Variants in MORC1 observed in about 807,000 individuals in gnomAD.
MORC1 encodes MORC family CW-type zinc finger 1, also known as MORC family CW-type zinc finger protein 1.
A neutral mutation model predicts 134.9 loss-of-function variants in MORC1; 59 were observed. The ratio of observed to expected loss-of-function variants is 0.44; its 90% CI spans 0.35 to 0.54. The LOEUF is 0.54. MORC1 is among the 20% of genes least tolerant of loss of function. The pLI, the probability that MORC1 is intolerant of heterozygous loss-of-function variation, is 0.00. For missense variants in MORC1, 947 were observed against 1,134.5 expected (o/e 0.83, Z 2.37); for synonymous variants, 395 against 391.7 (o/e 1.01, Z -0.10).
chr3:109,077,464 T>C (rs2107725843), intron 8 of MORC1, among the ~76,000 whole-genome samples: 1 of 152,254 alleles, frequency 6.6e-6, no homozygotes, highest in Admixed American at 6.5e-5. Flanking sequence ...CATATCTTAT[T>C]TGTGAAATGA....
At chr3:108,987,857 A>C (rs936996587) in intron 21 of MORC1, among the ~76,000 whole-genome samples, 1 of 151,926 alleles carries the variant, frequency 6.6e-6, no homozygotes, top group Non-Finnish European at 1.5e-5. Context: ...AACTGTGAGA[A>C]GCTGGAGGAA....
At chr3:108,990,606 A>T (rs1317478114) in intron 21 of MORC1, among the ~76,000 whole-genome samples, 4 of 152,070 alleles carry the variant, frequency 2.6e-5, no homozygotes, top group South Asian at 2.1e-4. Flanking sequence ...AATACTTGTC[A>T]TTATCTACCA....
chr3:108,963,082 G>A (rs554766709), intron 27 of MORC1, among the ~76,000 whole-genome samples: 8 of 151,774 alleles, frequency 5.3e-5, no homozygotes, highest in African/African-American at 1.9e-4. Flanking sequence ...CAGCTACTCG[G>A]AAGGCTGAGG....
chr3:108,981,001 T>C (rs1947702578), intron 23 of MORC1, among the ~76,000 whole-genome samples: 1 of 152,100 alleles, frequency 6.6e-6, no homozygotes, highest in Non-Finnish European at 1.5e-5. Flanking sequence ...GGTGATCTGA[T>C]GCAGGTTTTA....
Position 108,984,697 on chromosome 3 carries a change from A to G in MORC1, c.2324+19T>C. 1 of 1,548,990 alleles carries G rather than the reference A, an allele frequency of 6.5e-7. No individual in the cohort carries two copies. Among genetic ancestry groups the G allele is most frequent in the Non-Finnish European group, 8.8e-7 (1 of 1,137,064 alleles). On this transcript the variant is annotated intron_variant, in intron 23 of 27. Transcript: ENST00000232603. The stretch of plus-strand genomic sequence containing the variant: ...ATAATTGCACTCACTTGGAATTTGT[A>G]TAACTGTAGTACACTCACCTTTTCC...
rs1950899884 is a variant in MORC1 at position 109,100,198 on chromosome 3, G to GCA, written c.314+217_314+218dup. 1.3e-5 allele frequency among the ~76,000 whole-genome samples: 2 copies of GCA among 151,848 alleles called. 1 individual carries two copies. The highest frequency in any genetic ancestry group is 4.1e-4 in the South Asian group (2 of 4,820). On this transcript the variant is annotated intron_variant, in intron 5 of 27. Coordinates refer to ENST00000232603, the MANE Select transcript of MORC1 (RefSeq NM_014429.4). Reference sequence around the variant, plus strand: ...GCGGAGGTTGCAGTGAGCCAAGATCGCACCACTGCACTCCAGCCAGGGTGA... The same window carrying GCA: ...GCGGAGGTTGCAGTGAGCCAAGATCGCACACCACTGCACTCCAGCCAGGGTGA...
At chr3:108,970,010 A>C (rs1947332955) in intron 25 of MORC1, among the ~76,000 whole-genome samples, 1 of 152,250 alleles carries the variant, frequency 6.6e-6, no homozygotes, top group South Asian at 2.1e-4. Context: ...GCGATAAAAT[A>C]ATAAATATTC....
chr3:109,060,947 T>G (rs902068053), intron 11 of MORC1, among the ~76,000 whole-genome samples: 5 of 150,608 alleles, frequency 3.3e-5, no homozygotes, highest in Non-Finnish European at 7.4e-5. Flanking sequence ...CTATTAAAAA[T>G]CAATGATCAA....
Position 109,019,924 on chromosome 3 carries a change from T to C in MORC1, c.1704+7827A>G, listed in dbSNP as rs149307110. On this transcript the variant is annotated intron_variant, in intron 17 of 27. Coordinates refer to ENST00000232603, the MANE Select transcript of MORC1 (RefSeq NM_014429.4). ...ATTGGAGAGAAGGGAATTGGAAATA[T>C]GAAAAATATGTAATTCTCCTTTATT... Among the ~76,000 whole-genome samples the C allele has an allele frequency of 6.9e-3, 1,047 of 152,246 alleles. 14 individuals are homozygous for C. The highest frequency in any genetic ancestry group is 7.3e-3 in the Non-Finnish European group (498 of 68,006).
In MORC1 at chr3:109,113,366, C is replaced by A. The variant is rs139085577; in HGVS notation, c.119+1018G>T. On this transcript the variant is annotated intron_variant, in intron 2 of 27. Transcript: ENST00000232603. ...AGAGTTTCCTAAAAGGAGGAGATAA[C>A]GACTTTCTACTTAGTGCAGGGCAGG... Among the ~76,000 whole-genome samples the A allele has an allele frequency of 2.9e-4, 44 of 152,236 alleles. 1 individual carries two copies. The East Asian group carries it at 7.7e-3, about 27-fold the overall frequency.
chr3:109,087,858 G>A (rs1200275487), intron 8 of MORC1, among the ~76,000 whole-genome samples: 2 of 152,012 alleles, frequency 1.3e-5, no homozygotes, highest in African/African-American at 2.4e-5. Flanking sequence ...AAAACAGCAT[G>A]GTACTGGTAC....
intron 23 of MORC1, among the ~76,000 whole-genome samples, chr3:108,982,452 C>T (rs763624682): frequency 1.4e-4 from 22 of 152,018 alleles, no homozygotes; most frequent in African/African-American, 3.9e-4. Flanking sequence ...ACAATGCACA[C>T]GTATGTTTAT....
At chr3:108,962,575 T>C (rs1212265509) in intron 27 of MORC1, among the ~76,000 whole-genome samples, 3 of 152,178 alleles carry the variant, frequency 2.0e-5, no homozygotes, top group African/African-American at 4.8e-5. Context: ...AGGAAGGCTC[T>C]GTCTCCTGTT....
intron 8 of MORC1, among the ~76,000 whole-genome samples, chr3:109,091,488 G>A (rs1335951153): frequency 1.5e-5 from 2 of 129,828 alleles, no homozygotes; most frequent in East Asian, 4.0e-4. Flanking sequence ...TAAAAAGTAT[G>A]TTCTAAGTTT....
chr3:109,044,804 G>C (rs949525593), intron 14 of MORC1, among the ~76,000 whole-genome samples: 1 of 150,836 alleles, frequency 6.6e-6, no homozygotes, highest in Non-Finnish European at 1.5e-5. Context: ...AATTAGCCAG[G>C]TGTGGTGGCG....
chr3:108,982,905 G>A (rs1478189244), intron 23 of MORC1, among the ~76,000 whole-genome samples: 4 of 149,064 alleles, frequency 2.7e-5, no homozygotes, highest in Admixed American at 1.3e-4. Flanking sequence ...TTGCTTCTTC[G>A]TGAAATTCAC....
intron 16 of MORC1, among the ~76,000 whole-genome samples, chr3:109,031,547 G>C (rs1949241055): frequency 1.3e-5 from 2 of 152,130 alleles, no homozygotes; most frequent in Non-Finnish European, 2.9e-5. Context: ...GTTCCTATTT[G>C]GGAGATATTT....
chr3:108,995,769 GC>G (rs1321182232), intron 21 of MORC1, among the ~76,000 whole-genome samples: 4 of 152,168 alleles, frequency 2.6e-5, no homozygotes, highest in African/African-American at 9.7e-5. Flanking sequence ...CTTAGGCTGG[GC>G]AAGGCATGGA....
chr3:109,079,323 T>C (rs1231674760), intron 8 of MORC1, among the ~76,000 whole-genome samples: 1 of 152,042 alleles, frequency 6.6e-6, no homozygotes, highest in East Asian at 1.9e-4. Context: ...TCATAAACTC[T>C]CTCATAATAA....
Sources: allele counts gnomAD v4.1 joint callset (sites outside exome capture counted in the v4.1 genomes callset), GRCh38; gene constraint gnomAD v4.1.1; transcripts MANE v1.5; gene names NCBI Gene and HGNC (gene_info 2026-07-23, HGNC 2026-07-21).